The following TSPAN19 variants were observed in gnomAD, a reference collection of about 807,000 sequenced individuals.
TSPAN19 encodes tetraspanin 19.
Under a neutral mutation model 35.1 loss-of-function variants are expected in TSPAN19, and 44 were observed. That is an observed-to-expected ratio of 1.25 (90% CI 0.98 to 1.61). TSPAN19 has a LOEUF of 1.61. Among genes scored for constraint, TSPAN19 ranks in the 40% most tolerant of loss-of-function variants. The pLI, the probability that TSPAN19 is intolerant of heterozygous loss-of-function variation, is 0.00. For synonymous variants in TSPAN19, 79 were observed against 92.0 expected (o/e 0.86, Z 0.81); for missense variants, 290 against 280.0 (o/e 1.04, Z -0.26).
At chr12:85,018,318 A>C (rs1876927369) in intron 6 of TSPAN19, among the ~76,000 whole-genome samples, 1 of 151,940 alleles carries the variant, frequency 6.6e-6, no homozygotes, top group African/African-American at 2.4e-5. Flanking sequence ...TACAATATAT[A>C]CCAACAATCT....
chr12:85,017,394 G>T (rs1876871683), intron 7 of TSPAN19, 62 bp downstream of exon 7: 5 of 1,453,258 alleles, frequency 3.4e-6, no homozygotes, highest in South Asian at 2.6e-5. Context: ...ATTCTAAATT[G>T]ACTTGCAAAA....
At position 85,016,531 on chromosome 12, in the gene TSPAN19, T is replaced by A. The variant is rs1206734802; in HGVS notation, c.595-560A>T. Reference sequence around the variant, plus strand: ...TCTTGAACACAGGCACTGTGATACCTCAACAGTCGATCTTACAATGAAGAT... The same window carrying A: ...TCTTGAACACAGGCACTGTGATACCACAACAGTCGATCTTACAATGAAGAT... On this transcript the variant is annotated intron_variant, in intron 7 of 8. Transcript: ENST00000532498. 12 of 151,904 alleles carry A rather than the reference T, an allele frequency of 7.9e-5. No homozygotes were observed. In the Admixed American group the frequency reaches 7.9e-4, roughly 10 times the overall value. 9.4% of individuals were successfully genotyped at this position (151,904 alleles called of 1,614,324 possible).
chr12:85,021,300 G>C (rs914382573), intron 5 of TSPAN19, among the ~76,000 whole-genome samples: 2 of 151,910 alleles, frequency 1.3e-5, no homozygotes, highest in African/African-American at 4.8e-5. Context: ...TAAAAACTAA[G>C]TAACTGGTGG....
At chr12:85,016,853 T>A (rs1876836882) in intron 7 of TSPAN19, 1 of 151,744 alleles carries the variant, frequency 6.6e-6, no homozygotes. Context: ...AAAAAAGTAA[T>A]GTTCCATTTA....
intron 4 of TSPAN19, among the ~76,000 whole-genome samples, chr12:85,027,212 C>CT (rs1157939297): frequency 6.6e-6 from 1 of 152,072 alleles, no homozygotes; most frequent in Non-Finnish European, 1.5e-5. Flanking sequence ...TTATAGTTCT[C>CT]TTTTAAAAAT....
chr12:85,020,411 TC>T (rs1385336380), intron 5 of TSPAN19, among the ~76,000 whole-genome samples: 1 of 151,934 alleles, frequency 6.6e-6, no homozygotes, highest in Non-Finnish European at 1.5e-5. Context: ...ACTTTTGAAA[TC>T]TACTGTATAT....
intron 4 of TSPAN19, among the ~76,000 whole-genome samples, chr12:85,025,428 C>A (rs1877354824): frequency 6.6e-6 from 1 of 152,072 alleles, no homozygotes; most frequent in African/African-American, 2.4e-5. Flanking sequence ...GCGTGAGCCA[C>A]CACACCCGGC....
chr12:85,021,183 A>G (rs1877102389), intron 5 of TSPAN19, among the ~76,000 whole-genome samples: 1 of 152,068 alleles, frequency 6.6e-6, no homozygotes, highest in African/African-American at 2.4e-5. Context: ...ACAGACACTC[A>G]GAGAATTTAA....
intron 8 of TSPAN19, chr12:85,014,986 T>C (rs1876714581): frequency 6.5e-6 from 1 of 153,316 alleles, no homozygotes; most frequent in Admixed American, 6.6e-5. Context: ...ACCTCTGCAG[T>C]TTTGTCTTAA....
chr12:85,029,990 A>C lies in TSPAN19; in HGVS notation c.-27-17T>G. 7.3e-7 allele frequency: 1 copy of C among 1,372,964 alleles called. No homozygotes were observed. The highest frequency in any genetic ancestry group is 9.8e-7 in the Non-Finnish European group (1 of 1,023,066). 85.0% of individuals were successfully genotyped at this position (1,372,964 alleles called of 1,614,324 possible). A position where few individuals can be genotyped will look rare whatever the true frequency, so the allele number is the denominator to read the frequency against. On this transcript the variant is annotated splice_polypyrimidine_tract_variant and intron_variant, in intron 1 of 8. Coordinates refer to ENST00000532498, the MANE Select transcript of TSPAN19 (RefSeq NM_001100917.2). ...TTGATGATTCTGAAAAGACAACCAT[A>C]ACTTTTTAAACATTCTACACAACAA...
Position 85,027,941 on chromosome 12 carries a change from A to C in TSPAN19, c.222T>G (p.Gly74=), listed in dbSNP as rs918362481. ...TGATTTCGTTGTGAATTCCTATATA[A>C]CCCAATAGACAAAAAAGAACAGTAG... ...GSSTVLFCLL[G]YIGIHNEIRW... Residue 74 remains glycine (G), a synonymous_variant, in exon 4 of 9, where the codon GGT becomes GGG. Coordinates refer to ENST00000532498, the MANE Select transcript of TSPAN19 (RefSeq NM_001100917.2). 2 of 1,597,522 alleles carry C rather than the reference A, an allele frequency of 1.3e-6. No homozygotes were observed. Among genetic ancestry groups the C allele is most frequent in the Non-Finnish European group, 1.7e-6 (2 of 1,171,072 alleles).
intron 8 of TSPAN19, chr12:85,015,621 G>A (rs1338854373): frequency 9.0e-6 from 2 of 222,876 alleles, no homozygotes; most frequent in Admixed American, 6.0e-5. Flanking sequence ...TCTATTTATA[G>A]ATATATATAG....
rs1877018765 is a variant in TSPAN19, at chr12:85,019,730, G to A, written c.346C>T (p.Gln116Ter). ...FIITKKEEVQQLWHDKIDFVI... is the reference protein window; with the variant it reads ...FIITKKEEVQ ...AAATCAATTTTGTCATGCCATAGTT[G>A]CTGAACCTGTAGAAAATTGTATTAA... Residue 116 changes from glutamine to a stop codon, truncating the protein, a stop_gained, in exon 6 of 9, where the codon CAA (glutamine) becomes TAA (stop). Coordinates refer to ENST00000532498, the MANE Select transcript of TSPAN19 (RefSeq NM_001100917.2). LOFTEE classifies it high-confidence loss of function. 6.3e-7 allele frequency: 1 copy of A among 1,578,106 alleles called. No individual in the cohort carries two copies. The highest frequency in any genetic ancestry group is 1.2e-5 in the South Asian group (1 of 86,428).
chr12:85,014,636 C>T lies in TSPAN19; in HGVS notation c.679-81G>A, dbSNP rs540845209. ...TGCAAAGTTAACAATATATAGTCAC[C>T]AAAATGCGTATTGTAAAGGGAAAAG... On this transcript the variant is annotated intron_variant, in intron 8 of 8. Coordinates refer to ENST00000532498, the MANE Select transcript of TSPAN19 (RefSeq NM_001100917.2). 5.0e-6 allele frequency: 5 copies of T among 1,001,846 alleles called. No homozygotes were observed. In the East Asian group the frequency reaches 1.0e-4, roughly 20 times the overall value. The allele number at this position is 1,001,846 out of a possible 1,614,324, so 62.1% of individuals were successfully genotyped here.
intron 4 of TSPAN19, chr12:85,024,734 G>A (rs1226028056): frequency 1.3e-5 from 2 of 148,180 alleles, no homozygotes; most frequent in Non-Finnish European, 1.5e-5. Context: ...CCGAGATCGT[G>A]CCACTGCACT....
Position 85,023,346 on chromosome 12 carries a change from T to C in TSPAN19, c.319A>G (p.Ile107Val), listed in dbSNP as rs1383204268. 2 of 1,586,436 alleles carry C rather than the reference T, an allele frequency of 1.3e-6. No homozygotes were observed. The highest frequency in any genetic ancestry group is 2.7e-5 in the African/African-American group (2 of 74,522). The change falls in exon 5 of 9, where the codon ATC (isoleucine) becomes GTC (valine). Residue 107 changes from isoleucine to valine, a missense_variant. Physicochemically the swap from Ile to Val is conservative, Grantham distance 29. Coordinates refer to ENST00000532498, the MANE Select transcript of TSPAN19 (RefSeq NM_001100917.2). ...CATACCTCCTCTTTCTTTGTGATGATGAATGCTGAAAGTACAACCTGAACA... is the reference window on the plus strand; with the variant it reads ...CATACCTCCTCTTTCTTTGTGATGACGAATGCTGAAAGTACAACCTGAACA... ...FAVQVVLSAFIITKKEEVQQL... is the reference protein window; with the variant it reads ...FAVQVVLSAFVITKKEEVQQL...
In TSPAN19 at chr12:85,016,323, A is replaced by T. The variant is rs146524517; in HGVS notation, c.595-352T>A. On this transcript the variant is annotated intron_variant, in intron 7 of 8. Transcript: ENST00000532498. ...CCAGTGGAGGCCTGAAAACACAGAC[A>T]GTATCAAACCCTAAATATATTACAT... 5.4e-3 allele frequency: 926 copies of T among 171,548 alleles called. 6 individuals are homozygous for T. Among genetic ancestry groups the T allele is most frequent in the Non-Finnish European group, 8.5e-3 (690 of 81,352 alleles). The allele number at this position is 171,548 out of a possible 1,614,324, so 10.6% of individuals were successfully genotyped here. A position where few individuals can be genotyped will look rare whatever the true frequency, so the allele number is the denominator to read the frequency against.
At chr12:85,030,990 T>C (rs1877658646) in intron 1 of TSPAN19, among the ~76,000 whole-genome samples, 1 of 152,158 alleles carries the variant, frequency 6.6e-6, no homozygotes, top group Non-Finnish European at 1.5e-5. Context: ...TTTAAAGCTA[T>C]TTGTCTGTCC....
At chr12:85,014,633 C>A in intron 8 of TSPAN19, 78 bp from the exon 9 acceptor site, 1 of 1,026,952 alleles carries the variant, frequency 9.7e-7, no homozygotes, top group Non-Finnish European at 1.5e-6. Context: ...AATATATAGT[C>A]ACCAAAATGC....
Sources: gnomAD v4.1 joint callset for allele counts (sites outside exome capture counted in the v4.1 genomes callset) on GRCh38, gnomAD v4.1.1 for gene constraint, MANE v1.5 for transcripts, NCBI Gene and HGNC (gene_info 2026-07-23, HGNC 2026-07-21) for gene names.